The following GLRX3 variants were observed in gnomAD, a reference collection of about 807,000 sequenced individuals.
GLRX3 encodes the protein glutaredoxin-3.
GLRX3 carries 22 observed loss-of-function variants against 49.5 expected under a neutral mutation model. The ratio of observed to expected loss-of-function variants is 0.44; its 90% CI spans 0.32 to 0.63. GLRX3 has a LOEUF of 0.63. Among genes scored for constraint, GLRX3 ranks in the 30% least tolerant of loss-of-function variants. GLRX3 has a pLI of 0.05. For missense variants in GLRX3, 385 were observed against 396.3 expected, an observed-to-expected ratio of 0.97 and a Z score of 0.24; for synonymous variants, 133 against 140.0, an observed-to-expected ratio of 0.95 and a Z score of 0.35.
intron 2 of GLRX3, among the ~76,000 whole-genome samples, chr10:130,153,421 C>T (rs1245401004): frequency 2.0e-5 from 3 of 152,152 alleles, no homozygotes; most frequent in Non-Finnish European, 4.4e-5. Context: ...CTGGTTTCTC[C>T]CCATCTTTGT....
chr10:130,175,468 C>G (rs1249519629), intron 10 of GLRX3, among the ~76,000 whole-genome samples: 2 of 152,236 alleles, frequency 1.3e-5, no homozygotes, highest in Middle Eastern at 3.2e-3. Flanking sequence ...TGGCCCGGTG[C>G]TGCCCATCCT....
At chr10:130,142,041 G>T (rs1862185045) in intron 1 of GLRX3, among the ~76,000 whole-genome samples, 1 of 152,162 alleles carries the variant, frequency 6.6e-6, no homozygotes, top group South Asian at 2.1e-4. Context: ...AGTCTCTGCC[G>T]TGGACCTGAG....
At chr10:130,148,171 C>T (rs1374783929) in intron 2 of GLRX3, among the ~76,000 whole-genome samples, 2 of 152,114 alleles carry the variant, frequency 1.3e-5, no homozygotes, top group Admixed American at 6.5e-5. Context: ...AGGTCTCACT[C>T]TTATTGCCCA....
chr10:130,167,159 A>C (rs185467984), intron 6 of GLRX3, among the ~76,000 whole-genome samples, 179 bp downstream of exon 6: 28 of 152,342 alleles, frequency 1.8e-4, no homozygotes, highest in Admixed American at 4.6e-4. Context: ...GTATTGGAGA[A>C]ATTTTAGCAC....
chr10:130,139,110 T>A (rs1590054481), intron 1 of GLRX3, among the ~76,000 whole-genome samples: 1 of 151,790 alleles, frequency 6.6e-6, no homozygotes, highest in South Asian at 2.1e-4. Context: ...ATGGGCCCGC[T>A]TCCCAGCGTG....
chr10:130,176,209 T>A (rs1263829247), intron 10 of GLRX3, among the ~76,000 whole-genome samples: 6 of 151,252 alleles, frequency 4.0e-5, no homozygotes, highest in Admixed American at 4.0e-4. Flanking sequence ...AGCCTCTGCC[T>A]CCCAGGTTCA....
At chr10:130,165,920 G>C (rs1484919928) in intron 4 of GLRX3, among the ~76,000 whole-genome samples, 1 of 152,230 alleles carries the variant, frequency 6.6e-6, no homozygotes, top group African/African-American at 2.4e-5. Flanking sequence ...GGAAAGTGCT[G>C]AGCGGAGGCC....
At chr10:130,178,945 C>G (rs988733907) in intron 10 of GLRX3, among the ~76,000 whole-genome samples, 8 of 152,170 alleles carry the variant, frequency 5.3e-5, no homozygotes, top group Admixed American at 5.2e-4. Flanking sequence ...CTCAGGTGAT[C>G]TGCCCTCCTC....
chr10:130,169,855 C>T (rs1320925752), intron 7 of GLRX3, among the ~76,000 whole-genome samples: 17 of 152,222 alleles, frequency 1.1e-4, no homozygotes, highest in African/African-American at 3.9e-4. Flanking sequence ...GGAACCTGGT[C>T]GTGCTTGGGT....
In GLRX3 at chr10:130,160,917, T is replaced by G; in HGVS notation, c.398T>G (p.Leu133Arg). The change falls in exon 4 of 11, where the codon CTC becomes CGC. Residue 133 changes from leucine (L) to arginine (R), a missense_variant. Physicochemically the swap from Leu to Arg is moderately radical, Grantham distance 102 (BLOSUM62 -2). Around this residue, in one of 2 missense-constraint regions of GLRX3, gnomAD observed 374 missense variants for 358.6 expected, o/e 1.04. Coordinates refer to ENST00000331244, the MANE Select transcript of GLRX3 (RefSeq NM_006541.5). ...PSANEHLKED[L>R]NLRLKKLTHA... ...GCTAATGAACATCTTAAAGAAGATC[T>G]CAACCTTCGCTTGAAGAAATTGACT... 6.2e-7 allele frequency: 1 copy of G among 1,613,868 alleles called. No individual in the cohort carries two copies. The highest frequency in any genetic ancestry group is 2.2e-5 in the East Asian group (1 of 44,880).
intron 2 of GLRX3, among the ~76,000 whole-genome samples, chr10:130,154,430 G>C (rs1862436781): frequency 6.6e-6 from 1 of 152,232 alleles, no homozygotes; most frequent in South Asian, 2.1e-4. Flanking sequence ...CTCGCTGGGA[G>C]CTGCAGACTA....
chr10:130,155,098 A>C (rs1785482857), intron 2 of GLRX3, among the ~76,000 whole-genome samples: 1 of 152,094 alleles, frequency 6.6e-6, no homozygotes, highest in African/African-American at 2.4e-5. Flanking sequence ...TGGCCTCCCA[A>C]AGTGCTGGGA....
chr10:130,178,943 ATCTGCCCTCC>A (rs1204181035), intron 10 of GLRX3, among the ~76,000 whole-genome samples: 1 of 152,062 alleles, frequency 6.6e-6, no homozygotes, highest in East Asian at 1.9e-4. Context: ...ACCTCAGGTG[ATCTGCCCTCC>A]TCGGCCTCCC....
intron 8 of GLRX3, among the ~76,000 whole-genome samples, chr10:130,173,613 A>G (rs1862857243): frequency 6.6e-6 from 1 of 152,224 alleles, no homozygotes; most frequent in Admixed American, 6.5e-5. Flanking sequence ...AGGACTCCAC[A>G]TACATACACT....
At chr10:130,169,336 C>T in intron 6 of GLRX3, 97 bp from the exon 7 acceptor site, 1 of 764,062 alleles carries the variant, frequency 1.3e-6, no homozygotes. Flanking sequence ...AACTGTCATC[C>T]TGCCATCCCT....
intron 3 of GLRX3, among the ~76,000 whole-genome samples, chr10:130,160,499 A>G (rs952105147): frequency 5.9e-5 from 9 of 152,152 alleles, no homozygotes; most frequent in African/African-American, 1.9e-4. Flanking sequence ...TAGTTCCCCA[A>G]ATACCTCATT....
At chr10:130,167,491 A>G (rs984828684) in intron 6 of GLRX3, among the ~76,000 whole-genome samples, 20 of 152,200 alleles carry the variant, frequency 1.3e-4, no homozygotes, top group African/African-American at 4.1e-4. Context: ...GAGGTGTGAA[A>G]CATGTATTTG....
At chr10:130,154,976 TC>T (rs1862446479) in intron 2 of GLRX3, among the ~76,000 whole-genome samples, 1 of 152,172 alleles carries the variant, frequency 6.6e-6, no homozygotes, top group South Asian at 2.1e-4. Flanking sequence ...GAGAGATCTT[TC>T]TTTTTTTTTT....
At chr10:130,140,063 A>G (rs1862145502) in intron 1 of GLRX3, among the ~76,000 whole-genome samples, 1 of 152,252 alleles carries the variant, frequency 6.6e-6, no homozygotes, top group Non-Finnish European at 1.5e-5. Context: ...GTTGAATCAG[A>G]TATTTACATA....
Sources: allele counts gnomAD v4.1 joint callset (sites outside exome capture counted in the v4.1 genomes callset), GRCh38; gene constraint gnomAD v4.1.1; regional missense constraint gnomAD v4.1.1; transcripts MANE v1.5; gene names NCBI Gene and HGNC (gene_info 2026-07-23, HGNC 2026-07-21).